The following FRMPD4 variants were observed in gnomAD, a reference collection of about 807,000 sequenced individuals.
The protein encoded by FRMPD4 is FERM and PDZ domain containing 4, also known as FERM and PDZ domain-containing protein 4.
A neutral mutation model predicts 94.1 loss-of-function variants in FRMPD4; 22 were observed. That is an observed-to-expected ratio of 0.23 (90% CI 0.17 to 0.33). The LOEUF (loss-of-function observed/expected upper bound fraction) is 0.33. Among genes scored for constraint, FRMPD4 ranks in the 10% least tolerant of loss-of-function variants. The pLI is 1.00. For missense variants in FRMPD4, 1,111 were observed against 1,339.9 expected (o/e 0.83, Z 2.67); for synonymous variants, 631 against 548.6 (o/e 1.15, Z -2.10).
chrX:12,103,202 C>G (rs1245332610), intron 3 of FRMPD4, among the ~76,000 whole-genome samples: 1 of 111,394 alleles, frequency 9.0e-6, no homozygotes, highest in Non-Finnish European at 1.9e-5. Context: ...TGTTTCAAGG[C>G]TATTATGAGG....
At chrX:12,315,400 A>G (rs1211487341) in intron 1 of FRMPD4, among the ~76,000 whole-genome samples, 1 of 112,063 alleles carries the variant, frequency 8.9e-6, no homozygotes, top group Non-Finnish European at 1.9e-5. Context: ...GACCACTTGT[A>G]CTGCAGTATG....
intron 4 of FRMPD4, among the ~76,000 whole-genome samples, chrX:12,672,380 G>T (rs2059852698): frequency 8.9e-6 from 1 of 112,092 alleles, no homozygotes; most frequent in African/African-American, 3.2e-5. Flanking sequence ...AAGTAGCTCA[G>T]TTGATCAGGA....
intron 1 of FRMPD4, among the ~76,000 whole-genome samples, chrX:12,165,407 A>C (rs774434856): frequency 5.4e-5 from 6 of 111,858 alleles, no homozygotes; most frequent in African/African-American, 9.7e-5. Flanking sequence ...CTATTGGTCT[A>C]TATCTCTATT....
intron 1 of FRMPD4, among the ~76,000 whole-genome samples, chrX:12,369,743 A>T (rs1202116545): frequency 8.9e-6 from 1 of 111,765 alleles, no homozygotes; most frequent in East Asian, 2.8e-4. Context: ...GAAGTACAAG[A>T]TGCATGATAG....
chrX:12,474,127 G>C (rs1367561656), intron 1 of FRMPD4, among the ~76,000 whole-genome samples: 1 of 110,323 alleles, frequency 9.1e-6, no homozygotes, highest in Non-Finnish European at 1.9e-5. Flanking sequence ...TGAGACCACA[G>C]TGCAATCAAA....
At chrX:12,467,164 C>T (rs2057457868) in intron 1 of FRMPD4, among the ~76,000 whole-genome samples, 1 of 96,281 alleles carries the variant, frequency 1.0e-5, no homozygotes, top group Non-Finnish European at 2.1e-5. Context: ...ACTTCCAAGG[C>T]TTACCATTAA....
Position 12,153,683 on chromosome X carries a change from C to T in FRMPD4, c.41+14671C>T, listed in dbSNP as rs754142523. On this transcript the variant is annotated intron_variant, in intron 1 of 16. Coordinates refer to ENST00000675598, the MANE Select transcript of FRMPD4 (RefSeq NM_001368397.1). ...TCATCTGAATGCAAGAACATATATG[C>T]ATAACACTATACTGGACATAATTCA... 6.2e-5 allele frequency among the ~76,000 whole-genome samples: 7 copies of T among 112,545 alleles called. No homozygotes were observed. In the East Asian group the frequency reaches 1.4e-3, roughly 22 times the overall value.
intron 4 of FRMPD4, among the ~76,000 whole-genome samples, chrX:12,629,632 T>C (rs1363795589): frequency 8.9e-6 from 1 of 112,384 alleles, no homozygotes; most frequent in African/African-American, 3.2e-5. Flanking sequence ...GAATTATCAT[T>C]GTCCTCATCA....
upstream of FRMPD4, among the ~76,000 whole-genome samples, chrX:12,137,061 T>G (rs1017548752): frequency 9.0e-6 from 1 of 111,730 alleles, no homozygotes; most frequent in Admixed American, 9.5e-5. Flanking sequence ...CTTTAAAAAT[T>G]ATAAAGCACA....
intron 1 of FRMPD4, among the ~76,000 whole-genome samples, chrX:12,457,030 G>A (rs1371344618): frequency 8.9e-6 from 1 of 112,079 alleles, no homozygotes; most frequent in East Asian, 2.8e-4. Context: ...GAATTTTTAA[G>A]AGGCTCAGAA....
At chrX:12,369,854 C>T (rs931315332) in intron 1 of FRMPD4, among the ~76,000 whole-genome samples, 1 of 112,128 alleles carries the variant, frequency 8.9e-6, no homozygotes, top group Non-Finnish European at 1.9e-5. Flanking sequence ...AGAGTTTGGA[C>T]TTAGTCACTA....
intron 3 of FRMPD4, among the ~76,000 whole-genome samples, chrX:11,908,809 T>C (rs1225490635): frequency 8.9e-6 from 1 of 112,088 alleles, no homozygotes; most frequent in Admixed American, 9.5e-5. Flanking sequence ...TTTCCAGTTT[T>C]ATAATTGTGT....
rs143261506 is a variant in FRMPD4, at chrX:12,376,227, C to G, written c.42-122453C>G. Among the ~76,000 whole-genome samples, 693 of 112,088 alleles carry G rather than the reference C, an allele frequency of 6.2e-3. 4 individuals are homozygous for G. The highest frequency in any genetic ancestry group is 0.021 in the African/African-American group (660 of 30,886). ...TTTCCTACCAGCTGTTTCCATATAC[C>G]CCTGAATGCTGGGAGGCCTCATTCG... is the stretch of plus-strand genomic sequence containing the variant. On this transcript the variant is annotated intron_variant, in intron 1 of 16. Transcript: ENST00000675598.
intron 2 of FRMPD4, among the ~76,000 whole-genome samples, chrX:11,870,223 C>T (rs753484044): frequency 8.9e-6 from 1 of 111,823 alleles, no homozygotes; most frequent in South Asian, 3.8e-4. Context: ...AGATTTCACA[C>T]CATGATCCCA....
intron 3 of FRMPD4, among the ~76,000 whole-genome samples, chrX:11,901,294 C>T (rs951188128): frequency 2.7e-5 from 3 of 111,889 alleles, no homozygotes; most frequent in Non-Finnish European, 3.8e-5. Flanking sequence ...TTATATCATT[C>T]TTATGCCTTT....
At position 11,830,567 on chromosome X, in the gene FRMPD4, A is replaced by G. The variant is rs746734204; in HGVS notation, c.-161+7852A>G. Among the ~76,000 whole-genome samples, 6 of 112,291 alleles carry G rather than the reference A, an allele frequency of 5.3e-5. No individual in the cohort carries two copies. The South Asian group carries it at 2.2e-3, about 42-fold the overall frequency. On this transcript the variant is annotated intron_variant, in intron 1 of 18. Transcript: ENST00000640291. The stretch of plus-strand genomic sequence containing the variant: ...GCCATTAGAAATTTTATCCTAATTT[A>G]CATCTACTCATTAATTCGTAGTAAG...
intron 3 of FRMPD4, among the ~76,000 whole-genome samples, chrX:11,966,325 G>A (rs900941161): frequency 1.8e-5 from 2 of 110,924 alleles, no homozygotes; most frequent in Non-Finnish European, 3.8e-5. Flanking sequence ...AGAAATAAAG[G>A]AGCTTGTTTG....
At position 12,581,699 on chromosome X, in the gene FRMPD4, C is replaced by A. The variant is rs150479803; in HGVS notation, c.159-28022C>A. The stretch of plus-strand genomic sequence containing the variant: ...CATGTCCTGCTACTCTCCCTCGGCT[C>A]GTCCTCCTCCCGCCCACTGCCTGCT... On this transcript the variant is annotated intron_variant, in intron 2 of 16. Transcript: ENST00000675598. Among the ~76,000 whole-genome samples the A allele has an allele frequency of 5.0e-3, 560 of 111,756 alleles. 2 individuals are homozygous for A. The highest frequency in any genetic ancestry group is 8.6e-3 in the Non-Finnish European group (455 of 53,146).
chrX:12,312,544 C>T (rs144739706), intron 1 of FRMPD4, among the ~76,000 whole-genome samples: 2,484 of 110,627 alleles, frequency 0.022, 59 homozygotes, highest in African/African-American at 0.075. Flanking sequence ...TGAGCCACCG[C>T]GCCTGGCCCT....
Sources: gnomAD v4.1 joint callset for allele counts (sites outside exome capture counted in the v4.1 genomes callset) on GRCh38, gnomAD v4.1.1 for gene constraint, MANE v1.5 for transcripts, NCBI Gene and HGNC (gene_info 2026-07-23, HGNC 2026-07-21) for gene names.